KIF26B: variants seen among roughly 807,000 people sequenced by gnomAD.
The protein encoded by KIF26B is kinesin family member 26B.
In KIF26B, 63 loss-of-function variants were observed where a neutral mutation model predicts 151.2. The ratio of observed to expected loss-of-function variants is 0.42; its 90% CI spans 0.34 to 0.51. The LOEUF (loss-of-function observed/expected upper bound fraction) is 0.51, where lower values mean the gene tolerates loss of function less well. KIF26B is among the 20% of genes least tolerant of loss of function. The pLI is 0.07. For missense variants in KIF26B, 2,813 were observed against 2,913.6 expected (o/e 0.97, Z 0.79); for synonymous variants, 1,357 against 1,262.1 (o/e 1.08, Z -1.59).
chr1:245,417,348 A>G (rs1335414538), intron 3 of KIF26B, among the ~76,000 whole-genome samples: 3 of 151,994 alleles, frequency 2.0e-5, no homozygotes, highest in Non-Finnish European at 2.9e-5. Context: ...GGAAGGAGGT[A>G]GGTGCTAGGA....
At chr1:245,475,407 C>G (rs1382813261) in intron 4 of KIF26B, among the ~76,000 whole-genome samples, 1 of 151,734 alleles carries the variant, frequency 6.6e-6, no homozygotes, top group Non-Finnish European at 1.5e-5. Context: ...ATGGGGACAG[C>G]CTGCGGCACC....
At chr1:245,441,195 G>A (rs1296552420) in intron 4 of KIF26B, among the ~76,000 whole-genome samples, 4 of 152,128 alleles carry the variant, frequency 2.6e-5, no homozygotes, top group African/African-American at 9.7e-5. Context: ...AGAGGGGTGT[G>A]GAGCATGTAG....
intron 2 of KIF26B, among the ~76,000 whole-genome samples, chr1:245,296,592 C>T (rs1395455905): frequency 6.6e-6 from 1 of 152,228 alleles, no homozygotes; most frequent in Non-Finnish European, 1.5e-5. Flanking sequence ...TCCAGATCCC[C>T]TGCTTTCCCA....
In KIF26B at chr1:245,704,304, A is replaced by G. The variant is rs934602931; in HGVS notation, c.*1698A>G. 24 of 151,948 alleles carry G rather than the reference A, an allele frequency of 1.6e-4. No homozygotes were observed. The highest frequency in any genetic ancestry group is 8.6e-4 in the Admixed American group (13 of 15,194). 9.4% of individuals were successfully genotyped at this position (151,948 alleles called of 1,614,324 possible). ...AGCCCCAGCCACTCCCCAAGCGGGG[A>G]AAAAAACACTACGTTTCTTGGTCAG... On this transcript the variant is annotated 3_prime_UTR_variant, in exon 15 of 15. Transcript: ENST00000407071.
At chr1:245,354,903 T>A (rs1672651956) in intron 2 of KIF26B, among the ~76,000 whole-genome samples, 2 of 152,124 alleles carry the variant, frequency 1.3e-5, no homozygotes, top group Admixed American at 1.3e-4. Flanking sequence ...TAGGACTGGA[T>A]GATTTTTATT....
At chr1:245,257,444 T>C (rs1670557303) in intron 2 of KIF26B, among the ~76,000 whole-genome samples, 1 of 152,184 alleles carries the variant, frequency 6.6e-6, no homozygotes, top group Non-Finnish European at 1.5e-5. Context: ...ACAGATGATA[T>C]CCCCTGCCTC....
At chr1:245,635,372 T>C (rs561588383) in intron 9 of KIF26B, among the ~76,000 whole-genome samples, 7 of 152,226 alleles carry the variant, frequency 4.6e-5, no homozygotes, top group Admixed American at 4.6e-4. Context: ...GAATTTTTCA[T>C]CTTTCAAGAC....
chr1:245,158,981 T>C (rs1668492245), intron 2 of KIF26B, among the ~76,000 whole-genome samples: 1 of 152,136 alleles, frequency 6.6e-6, no homozygotes, highest in Non-Finnish European at 1.5e-5. Context: ...GTACCATGGA[T>C]GGAGGCCATG....
At chr1:245,364,569 C>T (rs980078560) in intron 2 of KIF26B, among the ~76,000 whole-genome samples, 2 of 151,920 alleles carry the variant, frequency 1.3e-5, no homozygotes, top group Non-Finnish European at 2.9e-5. Flanking sequence ...TACAGGCGCC[C>T]GCCACCACGC....
chr1:245,584,382 G>A (rs10924248), intron 5 of KIF26B, among the ~76,000 whole-genome samples: 15,974 of 152,060 alleles, frequency 0.11, 935 homozygotes, highest in Middle Eastern at 0.17. Flanking sequence ...ATGCAAGAAC[G>A]GCCTAATACA....
intron 4 of KIF26B, among the ~76,000 whole-genome samples, chr1:245,498,033 A>T (rs754750151): frequency 1.3e-5 from 2 of 152,174 alleles, no homozygotes; most frequent in East Asian, 3.8e-4. Context: ...TCATATTATC[A>T]TTCATCTCAA....
chr1:245,643,800 G>A (rs1294896644), intron 9 of KIF26B, among the ~76,000 whole-genome samples: 1 of 152,068 alleles, frequency 6.6e-6, no homozygotes. Flanking sequence ...ACAGTTTTTA[G>A]TACTTTAAAA....
intron 4 of KIF26B, among the ~76,000 whole-genome samples, chr1:245,438,732 A>G (rs542205961): frequency 6.6e-6 from 1 of 152,376 alleles, no homozygotes; most frequent in African/African-American, 2.4e-5. Flanking sequence ...AACGATTGCT[A>G]CACGCAACAT....
At chr1:245,622,523 G>C (rs935994557) in intron 9 of KIF26B, among the ~76,000 whole-genome samples, 14 of 152,278 alleles carry the variant, frequency 9.2e-5, no homozygotes, top group African/African-American at 3.4e-4. Context: ...CACGCACCCC[G>C]AGTGCCACCT....
At chr1:245,386,016 G>A (rs1006670085) in intron 3 of KIF26B, among the ~76,000 whole-genome samples, 1 of 152,146 alleles carries the variant, frequency 6.6e-6, no homozygotes, top group African/African-American at 2.4e-5. Context: ...GAGTAAGGCT[G>A]AGCCATCTGA....
intron 3 of KIF26B, among the ~76,000 whole-genome samples, chr1:245,409,832 G>A (rs1674232152): frequency 6.6e-6 from 1 of 152,170 alleles, no homozygotes; most frequent in African/African-American, 2.4e-5. Flanking sequence ...GGCCAGGTCT[G>A]GGGCAAGCTT....
chr1:245,618,144 C>T (rs1026931486), intron 9 of KIF26B, among the ~76,000 whole-genome samples: 11 of 152,200 alleles, frequency 7.2e-5, no homozygotes, highest in Admixed American at 7.2e-4. Context: ...CCTCTCCGAT[C>T]GCCTCCTCAA....
chr1:245,699,336 A>AG (rs2044737938), intron 14 of KIF26B, among the ~76,000 whole-genome samples: 1 of 152,192 alleles, frequency 6.6e-6, no homozygotes, highest in South Asian at 2.1e-4. Context: ...GATCACCCAG[A>AG]CATGAAGGCT....
intron 5 of KIF26B, among the ~76,000 whole-genome samples, chr1:245,541,306 G>A (rs974527220): frequency 6.6e-6 from 1 of 152,206 alleles, no homozygotes; most frequent in African/African-American, 2.4e-5. Context: ...GAGACGTAAT[G>A]AGGCCTCATA....
Sources: allele counts gnomAD v4.1 joint callset (sites outside exome capture counted in the v4.1 genomes callset), GRCh38; gene constraint gnomAD v4.1.1; transcripts MANE v1.5; gene names NCBI Gene and HGNC (gene_info 2026-07-23, HGNC 2026-07-21).